The following HSF2 variants were observed in gnomAD, a reference collection of about 807,000 sequenced individuals.
HSF2 encodes heat shock factor protein 2.
Under a neutral mutation model 65.0 loss-of-function variants are expected in HSF2, and 21 were observed. The ratio of observed to expected loss-of-function variants is 0.32; its 90% CI spans 0.23 to 0.47. HSF2 has a LOEUF of 0.47. Ranked by LOEUF, HSF2 falls within the 20% of genes least tolerant of loss-of-function variation. The pLI is 1.00. For missense variants in HSF2, 499 were observed against 628.1 expected, an observed-to-expected ratio of 0.79 and a Z score of 2.20; for synonymous variants, 225 against 219.1, an observed-to-expected ratio of 1.03 and a Z score of -0.24.
At chr6:122,424,432 C>T (rs1158738730) in intron 10 of HSF2, among the ~76,000 whole-genome samples, 1 of 151,786 alleles carries the variant, frequency 6.6e-6, no homozygotes, top group African/African-American at 2.4e-5. Context: ...TGTTTCTTTC[C>T]TTACATTGCA....
chr6:122,412,126 G>C (rs1254570919), intron 1 of HSF2, among the ~76,000 whole-genome samples: 1 of 151,776 alleles, frequency 6.6e-6, no homozygotes, highest in Non-Finnish European at 1.5e-5. Context: ...TCACCATAGA[G>C]TGTGATGTGG....
chr6:122,421,511 T>G (rs1774235148), intron 7 of HSF2, among the ~76,000 whole-genome samples: 1 of 148,724 alleles, frequency 6.7e-6, no homozygotes, highest in Admixed American at 6.7e-5. Flanking sequence ...CTTTGCCTCT[T>G]TATTATCTAG....
chr6:122,431,342 C>G (rs1017631452), intron 11 of HSF2, 88 bp from the exon 12 acceptor site: 1 of 496,156 alleles, frequency 2.0e-6, no homozygotes, highest in Non-Finnish European at 3.4e-6. Flanking sequence ...GATAATATAC[C>G]AGTATTTACA....
intron 1 of HSF2, among the ~76,000 whole-genome samples, chr6:122,410,583 C>T (rs909137213): frequency 1.3e-5 from 2 of 151,818 alleles, no homozygotes; most frequent in African/African-American, 2.4e-5. Context: ...CCTTCCTCCC[C>T]GCAGCCCCTG....
rs1248644732 is a variant in HSF2 at position 122,411,563 on chromosome 6, C to A, written c.94-810C>A. 2.0e-5 allele frequency among the ~76,000 whole-genome samples: 3 copies of A among 151,690 alleles called. No individual in the cohort carries two copies. The East Asian group carries it at 5.8e-4, about 29-fold the overall frequency. On this transcript the variant is annotated intron_variant, in intron 1 of 12. Transcript: ENST00000368455. ...ACTATTGTTAAAAGTTTCTTTAGCT[C>A]TTGTGTTTAGGTCTTTGATTGATTT...
At chr6:122,414,026 C>G (rs900749690) in intron 4 of HSF2, among the ~76,000 whole-genome samples, 4 of 151,884 alleles carry the variant, frequency 2.6e-5, no homozygotes, top group Non-Finnish European at 4.4e-5. Flanking sequence ...TGTATGTTAC[C>G]CATCCTTTGT....
intron 1 of HSF2, among the ~76,000 whole-genome samples, chr6:122,405,287 C>T (rs922602484): frequency 6.8e-6 from 1 of 147,628 alleles, no homozygotes; most frequent in Non-Finnish European, 1.5e-5. Flanking sequence ...TAAAAGCAAG[C>T]AAAACACAAT....
Position 122,412,362 on chromosome 6 carries a change from TC to T in HSF2, c.94-7del. ...CTAATTTACTTTTTCTTTTTTTTTT[TC>T]CCCTTGCAGAATGGCCAAAGTTTTC... is the stretch of plus-strand genomic sequence containing the variant. On this transcript the variant is annotated splice_polypyrimidine_tract_variant and intron_variant, in intron 1 of 12. Coordinates refer to ENST00000368455, the MANE Select transcript of HSF2 (RefSeq NM_004506.4). 2 of 1,482,184 alleles carry T rather than the reference TC, an allele frequency of 1.3e-6. No individual in the cohort carries two copies. The highest frequency in any genetic ancestry group is 1.9e-6 in the Non-Finnish European group (2 of 1,063,508). The allele number at this position is 1,482,184 out of a possible 1,614,324, so 91.8% of individuals were successfully genotyped here.
intron 1 of HSF2, among the ~76,000 whole-genome samples, chr6:122,403,617 C>T (rs1346695879): frequency 6.6e-6 from 1 of 152,108 alleles, no homozygotes; most frequent in Non-Finnish European, 1.5e-5. Flanking sequence ...AAAACAACAA[C>T]AACAAAAAAC....
chr6:122,432,305 T>A lies in HSF2; in HGVS notation c.*85T>A. The A allele has an allele frequency of 8.5e-7, 1 of 1,181,152 alleles. No homozygotes were observed. The highest frequency in any genetic ancestry group is 1.2e-6 in the Non-Finnish European group (1 of 833,318). The allele number at this position is 1,181,152 out of a possible 1,614,324, so 73.2% of individuals were successfully genotyped here. A position where few individuals can be genotyped will look rare whatever the true frequency, so the allele number is the denominator to read the frequency against. Reference sequence around the variant, plus strand: ...AAAGTATCATTTGGTACTTTTTTTGTAAATTGCTTTGTTTTGTTTAATCAG... The same window carrying A: ...AAAGTATCATTTGGTACTTTTTTTGAAAATTGCTTTGTTTTGTTTAATCAG... On this transcript the variant is annotated 3_prime_UTR_variant, in exon 13 of 13. Transcript: ENST00000368455.
chr6:122,417,758 A>T (rs568021574), intron 5 of HSF2, among the ~76,000 whole-genome samples: 2 of 152,338 alleles, frequency 1.3e-5, no homozygotes, highest in South Asian at 4.1e-4. Flanking sequence ...TTAGCCAGTG[A>T]TTGATGTTCT....
intron 9 of HSF2, 102 bp from the exon 10 acceptor site, chr6:122,423,479 C>A (rs1055398349): frequency 1.9e-6 from 1 of 536,838 alleles, no homozygotes; most frequent in Non-Finnish European, 3.3e-6. Flanking sequence ...AAGGATGCAG[C>A]AGCTGCTAGA....
intron 1 of HSF2, among the ~76,000 whole-genome samples, chr6:122,405,691 T>C (rs997443409): frequency 1.3e-5 from 2 of 152,194 alleles, no homozygotes; most frequent in Non-Finnish European, 2.9e-5. Context: ...TGTAGTCCTT[T>C]TGCCAGCTGT....
chr6:122,431,943 A>G lies in HSF2; in HGVS notation c.1334A>G (p.Tyr445Cys). 1 of 1,613,788 alleles carries G rather than the reference A, an allele frequency of 6.2e-7. No individual in the cohort carries two copies. The highest frequency in any genetic ancestry group is 8.5e-7 in the Non-Finnish European group (1 of 1,179,776). Residue 445 changes from tyrosine (Y) to cysteine (C), a missense_variant, in exon 13 of 13, where the codon TAT (tyrosine) becomes TGT (cysteine). Coordinates refer to ENST00000368455, the MANE Select transcript of HSF2 (RefSeq NM_004506.4). ...KSKPDKQLIQ[Y>C]TAFPLLAFLD... ...TTTATAGATAAGCAGCTTATCCAGT[A>G]TACCGCCTTTCCACTTCTTGCATTC...
intron 4 of HSF2, among the ~76,000 whole-genome samples, chr6:122,415,680 G>A (rs1774110043): frequency 6.6e-6 from 1 of 151,994 alleles, no homozygotes. Context: ...AAGTTTCTGT[G>A]TATCTATTGT....
intron 3 of HSF2, among the ~76,000 whole-genome samples, chr6:122,413,061 T>C (rs1351702761): frequency 6.6e-6 from 1 of 151,968 alleles, no homozygotes; most frequent in African/African-American, 2.4e-5. Context: ...GCCCACATAG[T>C]AGGCATTCAG....
chr6:122,414,025 C>A (rs1040616963), intron 4 of HSF2, among the ~76,000 whole-genome samples: 9 of 152,008 alleles, frequency 5.9e-5, no homozygotes, highest in Non-Finnish European at 1.3e-4. Context: ...CTGTATGTTA[C>A]CCATCCTTTG....
intron 4 of HSF2, among the ~76,000 whole-genome samples, chr6:122,414,108 C>T (rs184587732): frequency 3.3e-5 from 5 of 152,158 alleles, no homozygotes; most frequent in Admixed American, 2.0e-4. Flanking sequence ...AATCGGAAAA[C>T]GATGCAGGAG....
At chr6:122,410,996 T>C (rs552545533) in intron 1 of HSF2, among the ~76,000 whole-genome samples, 1 of 150,474 alleles carries the variant, frequency 6.6e-6, no homozygotes, top group Non-Finnish European at 1.5e-5. Context: ...ATTGCTGGAT[T>C]ATATGTTCTT....
Sources: allele counts gnomAD v4.1 joint callset (sites outside exome capture counted in the v4.1 genomes callset), GRCh38; gene constraint gnomAD v4.1.1; transcripts MANE v1.5; gene names NCBI Gene and HGNC (gene_info 2026-07-23, HGNC 2026-07-21).